Variants in EBF3 observed in about 807,000 individuals in gnomAD.
EBF3 encodes the protein EBF transcription factor 3.
Under a neutral mutation model 77.1 loss-of-function variants are expected in EBF3, and 18 were observed. That is an observed-to-expected ratio of 0.23 (90% CI 0.16 to 0.35). The LOEUF (loss-of-function observed/expected upper bound fraction) is 0.35, where lower values mean the gene tolerates loss of function less well. Among genes scored for constraint, EBF3 ranks in the 10% least tolerant of loss-of-function variants. The pLI is 1.00. For synonymous variants in EBF3, 350 were observed against 343.5 expected, an observed-to-expected ratio of 1.02 and a Z score of -0.21; for missense variants, 558 against 860.0, an observed-to-expected ratio of 0.65 and a Z score of 4.39.
rs1000067253 is a variant in EBF3, at chr10:129,900,399, G to C, written c.555-22550C>G. On this transcript the variant is annotated intron_variant, in intron 6 of 16. Transcript: ENST00000440978. ...AACCTAAGAGCAAGGATGGGGGGTA[G>C]GAGGGGGCTGGAGAGAGGCACACGG... Among the ~76,000 whole-genome samples, 43 of 152,328 alleles carry C rather than the reference G, an allele frequency of 2.8e-4. 1 individual carries two copies. Among genetic ancestry groups the C allele is most frequent in the Middle Eastern group, 6.8e-3 (2 of 294 alleles).
rs1859669094 is a variant in EBF3, at chr10:129,963,264, G to T, written c.291+103C>A. On this transcript the variant is annotated intron_variant, in intron 2 of 16. Transcript: ENST00000440978. The surrounding 1 kb of genome is among the most constrained non-coding windows in gnomAD (Gnocchi z 7.1). Reference sequence around the variant, plus strand: ...GGCGGCGGCGGGGTGGCCTGGCGGAGCCGAGCCCGCCGCCTAGGGGGGCAC... The same window carrying T: ...GGCGGCGGCGGGGTGGCCTGGCGGATCCGAGCCCGCCGCCTAGGGGGGCAC... The T allele has an allele frequency of 1.4e-6, 2 of 1,477,804 alleles. No homozygotes were observed. Among genetic ancestry groups the T allele is most frequent in the African/African-American group, 1.5e-5 (1 of 67,682 alleles). The allele number at this position is 1,477,804 out of a possible 1,614,324, so 91.5% of individuals were successfully genotyped here.
At chr10:129,855,034 C>T (rs1046482354) in intron 10 of EBF3, among the ~76,000 whole-genome samples, 24 of 152,294 alleles carry the variant, frequency 1.6e-4, no homozygotes, top group African/African-American at 5.5e-4. Flanking sequence ...CCGTGGAGCT[C>T]CCCAGTGCCA....
rs1040999390 is a variant in EBF3, at chr10:129,944,521, C to T, written c.554+12737G>A. On this transcript the variant is annotated intron_variant, in intron 6 of 16. Coordinates refer to ENST00000440978, the MANE Select transcript of EBF3 (RefSeq NM_001375380.1). This position sits in a 1 kb window ranked among gnomAD's most constrained non-coding sequence, Gnocchi z 5.1. ...AATTAATATAGGCGGTGTAGGACCTCTCTTGCCACTGATCCAGCAGAAGGA... is the reference window on the plus strand; with the variant it reads ...AATTAATATAGGCGGTGTAGGACCTTTCTTGCCACTGATCCAGCAGAAGGA... Among the ~76,000 whole-genome samples the T allele has an allele frequency of 6.6e-6, 1 of 152,176 alleles. No individual in the cohort carries two copies. Among genetic ancestry groups the T allele is most frequent in the Non-Finnish European group, 1.5e-5 (1 of 68,032 alleles).
rs1851638551 is a variant in EBF3, at chr10:129,861,546, TG to T, written c.1039+5594del. Among the ~76,000 whole-genome samples, 1 of 141,882 alleles carries T rather than the reference TG, an allele frequency of 7.0e-6. No individual in the cohort carries two copies. Among genetic ancestry groups the T allele is most frequent in the African/African-American group, 2.6e-5 (1 of 38,860 alleles). 93.1% of individuals were successfully genotyped at this position (141,882 alleles called of 152,430 possible). ...AAGGTGCCTGGAGGGTGTCTATTCT[TG>T]GGGGGTTCACTGGGGATCATGGGGG... On this transcript the variant is annotated intron_variant, in intron 10 of 16. Transcript: ENST00000440978. The surrounding 1 kb of genome is among the most constrained non-coding windows in gnomAD (Gnocchi z 4.3).
chr10:129,848,566 G>A lies in EBF3; in HGVS notation c.1040-86C>T. The A allele has an allele frequency of 7.1e-7, 1 of 1,399,552 alleles. No homozygotes were observed. The highest frequency in any genetic ancestry group is 1.0e-6 in the Non-Finnish European group (1 of 985,176). 86.7% of individuals were successfully genotyped at this position (1,399,552 alleles called of 1,614,324 possible). A position where few individuals can be genotyped will look rare whatever the true frequency, so the allele number is the denominator to read the frequency against. On this transcript the variant is annotated intron_variant, in intron 10 of 16. Transcript: ENST00000440978. This position sits in a 1 kb window ranked among gnomAD's most constrained non-coding sequence, Gnocchi z 4.4. ...TTATTGCACACTTACAAATAAATGT[G>A]TAGTTCTCCTGCTCTGATGCTCTCT... is the stretch of plus-strand genomic sequence containing the variant.
At chr10:129,916,251 C>A (rs1855879181) in intron 6 of EBF3, among the ~76,000 whole-genome samples, 1 of 152,184 alleles carries the variant, frequency 6.6e-6, no homozygotes, top group Non-Finnish European at 1.5e-5. Context: ...ACCACCAGGC[C>A]CAGGTGCACC....
intron 10 of EBF3, among the ~76,000 whole-genome samples, chr10:129,866,280 C>T (rs1203856026): frequency 1.3e-5 from 2 of 152,118 alleles, no homozygotes; most frequent in African/African-American, 2.4e-5. Flanking sequence ...CACCACCATG[C>T]CCCACTAATT....
At chr10:129,877,747 G>A (rs374975594) in intron 7 of EBF3, 21 bp downstream of exon 7, 6 of 1,606,110 alleles carry the variant, frequency 3.7e-6, no homozygotes, top group African/African-American at 2.7e-5. Context: ...CACGGTCCAC[G>A]TGTCTTTGAG....
chr10:129,843,273 T>G, intron 11 of EBF3, 71 bp from the exon 12 acceptor site: 1 of 1,510,410 alleles, frequency 6.6e-7, no homozygotes, highest in Non-Finnish European at 9.0e-7. Flanking sequence ...TCAGTACCAG[T>G]TCCGTCTGCG....
chr10:129,890,635 G>T (rs565839238), intron 6 of EBF3, among the ~76,000 whole-genome samples: 1 of 152,368 alleles, frequency 6.6e-6, no homozygotes, highest in South Asian at 2.1e-4. Context: ...CCGCTGGGAT[G>T]CTCCACAGAT....
At chr10:129,936,510 T>C (rs1857369972) in intron 6 of EBF3, among the ~76,000 whole-genome samples, 1 of 151,832 alleles carries the variant, frequency 6.6e-6, no homozygotes, top group African/African-American at 2.4e-5. Flanking sequence ...CCAAGGGCTA[T>C]GCAGGGGACC....
chr10:129,857,676 C>G (rs1851348318), intron 10 of EBF3, among the ~76,000 whole-genome samples: 1 of 152,210 alleles, frequency 6.6e-6, no homozygotes, highest in Non-Finnish European at 1.5e-5. Flanking sequence ...AGACACGTGC[C>G]AACTGCCATC....
rs190682197 is a variant in EBF3 at position 129,870,635 on chromosome 10, C to A, written c.782-2723G>T. 6.6e-6 allele frequency among the ~76,000 whole-genome samples: 1 copy of A among 152,254 alleles called. No individual in the cohort carries two copies. The highest frequency in any genetic ancestry group is 1.9e-4 in the East Asian group (1 of 5,154). ...GGAGAAGAGGCGCTCACAAGGAACA[C>A]CCTCTGCCCATCGTGACCCCCGCCG... On this transcript the variant is annotated intron_variant, in intron 8 of 16. Coordinates refer to ENST00000440978, the MANE Select transcript of EBF3 (RefSeq NM_001375380.1). This position sits in a 1 kb window ranked among gnomAD's most constrained non-coding sequence, Gnocchi z 4.4.
intron 6 of EBF3, among the ~76,000 whole-genome samples, chr10:129,881,739 G>C (rs892482278): frequency 2.6e-4 from 39 of 152,312 alleles, no homozygotes; most frequent in African/African-American, 9.4e-4. Context: ...ATGGACCAAG[G>C]GGCACAGTCG....
At chr10:129,922,794 A>G (rs1217474393) in intron 6 of EBF3, among the ~76,000 whole-genome samples, 1 of 152,190 alleles carries the variant, frequency 6.6e-6, no homozygotes, top group East Asian at 1.9e-4. Flanking sequence ...AGCTGCCCAC[A>G]TCTTACACAA....
chr10:129,957,192 C>G, intron 6 of EBF3, 66 bp downstream of exon 6: 4 of 1,458,634 alleles, frequency 2.7e-6, no homozygotes, highest in South Asian at 2.5e-5. Context: ...AACTGGAAAC[C>G]AAGCAAGGCA....
intron 6 of EBF3, among the ~76,000 whole-genome samples, chr10:129,899,147 C>T (rs1854607476): frequency 6.6e-6 from 1 of 152,228 alleles, no homozygotes; most frequent in Non-Finnish European, 1.5e-5. Flanking sequence ...TTCTCTTCCT[C>T]GTTTAATCTT....
chr10:129,917,859 T>C (rs1383757857), intron 6 of EBF3, among the ~76,000 whole-genome samples: 1 of 152,074 alleles, frequency 6.6e-6, no homozygotes, highest in African/African-American at 2.4e-5. Context: ...TCTTTAAAAT[T>C]AGGTAAGGAA....
intron 11 of EBF3, among the ~76,000 whole-genome samples, chr10:129,847,346 C>T (rs1372447926): frequency 2.0e-5 from 3 of 152,122 alleles, no homozygotes; most frequent in African/African-American, 4.8e-5. Flanking sequence ...TTGCAGGCCT[C>T]GATTCTTCCC....
Sources: gnomAD v4.1 joint callset for allele counts (sites outside exome capture counted in the v4.1 genomes callset) on GRCh38, gnomAD v4.1.1 for gene constraint, Gnocchi (gnomAD v3.1) non-coding constraint, MANE v1.5 for transcripts, NCBI Gene and HGNC (gene_info 2026-07-23, HGNC 2026-07-21) for gene names.